Variants in CTNNA3 observed in about 807,000 individuals in gnomAD.
The protein encoded by CTNNA3 is catenin alpha 3, also known as catenin alpha-3.
Under a neutral mutation model 95.7 loss-of-function variants are expected in CTNNA3, and 76 were observed. That is an observed-to-expected ratio of 0.79 (90% CI 0.66 to 0.96). The LOEUF (loss-of-function observed/expected upper bound fraction) is 0.96, where lower values mean the gene tolerates loss of function less well. CTNNA3 is among the 40% of genes least tolerant of loss of function. CTNNA3 has a pLI of 0.00. For synonymous variants in CTNNA3, 431 were observed against 374.4 expected (o/e 1.15, Z -1.74); for missense variants, 1,191 against 1,089.8 (o/e 1.09, Z -1.31).
chr10:66,049,853 T>A (rs10996856), intron 15 of CTNNA3, among the ~76,000 whole-genome samples: 2 of 152,006 alleles, frequency 1.3e-5, no homozygotes, highest in African/African-American at 4.8e-5. Context: ...CTGGGCTTAA[T>A]ACCTGGGTGA....
In CTNNA3 at chr10:66,077,156, G is replaced by T. The variant is rs187723729; in HGVS notation, c.1978-7667C>A. Among the ~76,000 whole-genome samples, 390 of 151,746 alleles carry T rather than the reference G, an allele frequency of 2.6e-3. 6 individuals carry two copies. Among genetic ancestry groups the T allele is most frequent in the African/African-American group, 9.1e-3 (377 of 41,512 alleles). On this transcript the variant is annotated intron_variant, in intron 14 of 17. Coordinates refer to ENST00000433211, the MANE Select transcript of CTNNA3 (RefSeq NM_013266.4). Reference sequence around the variant, plus strand: ...TGGGATATTCCTGCTGAAATATTTAGATATAAAATGCTATGATGTTTCAAA... The same window carrying T: ...TGGGATATTCCTGCTGAAATATTTATATATAAAATGCTATGATGTTTCAAA...
intron 5 of CTNNA3, among the ~76,000 whole-genome samples, chr10:67,496,963 G>A (rs1839042989): frequency 6.6e-6 from 1 of 151,902 alleles, no homozygotes; most frequent in Non-Finnish European, 1.5e-5. Flanking sequence ...TTTAAGTTCT[G>A]GGATATATGT....
At chr10:66,220,585 C>T (rs1042544317) in intron 13 of CTNNA3, among the ~76,000 whole-genome samples, 7 of 152,156 alleles carry the variant, frequency 4.6e-5, no homozygotes, top group African/African-American at 7.2e-5. Flanking sequence ...CTCTGTATTT[C>T]GAGCTCTTGT....
chr10:66,575,356 T>C (rs569471698), intron 10 of CTNNA3, among the ~76,000 whole-genome samples: 1 of 152,262 alleles, frequency 6.6e-6, no homozygotes, highest in African/African-American at 2.4e-5. Context: ...TCTGTGTACC[T>C]TTAAAATTCA....
chr10:67,377,611 C>T (rs1368156361), intron 5 of CTNNA3, among the ~76,000 whole-genome samples: 1 of 123,092 alleles, frequency 8.1e-6, no homozygotes, highest in East Asian at 2.6e-4. Flanking sequence ...ACTATTCTTT[C>T]TCTATAAAAA....
chr10:67,130,049 G>A (rs755160148), intron 7 of CTNNA3, among the ~76,000 whole-genome samples: 1 of 151,960 alleles, frequency 6.6e-6, no homozygotes, highest in Non-Finnish European at 1.5e-5. Flanking sequence ...AGCACATGAA[G>A]GACACTGTCT....
At chr10:66,895,518 C>T (rs1312498929) in intron 7 of CTNNA3, among the ~76,000 whole-genome samples, 1 of 152,014 alleles carries the variant, frequency 6.6e-6, no homozygotes, top group Non-Finnish European at 1.5e-5. Flanking sequence ...CCTTTATTAT[C>T]TTTCAGCTTC....
chr10:66,341,506 A>G (rs1274187939), intron 12 of CTNNA3, among the ~76,000 whole-genome samples: 2 of 151,976 alleles, frequency 1.3e-5, no homozygotes, highest in Admixed American at 6.6e-5. Flanking sequence ...GGATACACAT[A>G]TGCCTCCTAG....
At chr10:67,291,034 AG>A (rs1839817202) in intron 5 of CTNNA3, among the ~76,000 whole-genome samples, 1 of 152,114 alleles carries the variant, frequency 6.6e-6, no homozygotes, top group Admixed American at 6.6e-5. Flanking sequence ...TAAGGTTGAA[AG>A]GATGGACTCC....
upstream of CTNNA3, among the ~76,000 whole-genome samples, chr10:67,698,617 T>C (rs191889585): frequency 3.7e-4 from 57 of 152,336 alleles, no homozygotes; most frequent in Non-Finnish European, 6.2e-4. Flanking sequence ...CTGTCCATAA[T>C]ATCTCAAAAT....
At chr10:66,091,460 A>G (rs1321473533) in intron 14 of CTNNA3, among the ~76,000 whole-genome samples, 6 of 151,844 alleles carry the variant, frequency 4.0e-5, no homozygotes, top group Admixed American at 6.6e-5. Context: ...CTGTTTATTT[A>G]TTGACTCAAT....
chr10:66,878,797 G>A (rs1201673398), intron 7 of CTNNA3, among the ~76,000 whole-genome samples: 1 of 152,124 alleles, frequency 6.6e-6, no homozygotes, highest in African/African-American at 2.4e-5. Context: ...GTGAGTTTTG[G>A]TGGGACACCT....
chr10:66,381,511 A>C (rs918176287), intron 11 of CTNNA3, among the ~76,000 whole-genome samples: 4 of 152,074 alleles, frequency 2.6e-5, no homozygotes, highest in African/African-American at 9.7e-5. Flanking sequence ...TCTAAGTAGT[A>C]CTTGTTATAA....
chr10:66,319,505 T>C (rs2092152288), intron 12 of CTNNA3, among the ~76,000 whole-genome samples: 1 of 152,126 alleles, frequency 6.6e-6, no homozygotes, highest in Non-Finnish European at 1.5e-5. Flanking sequence ...GATGTAGGGA[T>C]AAACTAAACT....
intron 7 of CTNNA3, among the ~76,000 whole-genome samples, chr10:66,860,844 A>G (rs1656283405): frequency 6.6e-6 from 1 of 152,154 alleles, no homozygotes; most frequent in African/African-American, 2.4e-5. Context: ...ATATGCCTCA[A>G]TGTAACCACA....
At chr10:66,057,063 C>G (rs1331872877) in intron 15 of CTNNA3, among the ~76,000 whole-genome samples, 2 of 152,136 alleles carry the variant, frequency 1.3e-5, no homozygotes, top group South Asian at 4.1e-4. Flanking sequence ...TTTAGTCTAC[C>G]TGAAACTTCT....
At chr10:66,245,202 G>T (rs1416330104) in intron 13 of CTNNA3, among the ~76,000 whole-genome samples, 1 of 152,188 alleles carries the variant, frequency 6.6e-6, no homozygotes, top group Non-Finnish European at 1.5e-5. Context: ...AGCTACAGGT[G>T]CTGGCTCTCT....
In CTNNA3 at chr10:66,659,276, A is replaced by G. The variant is rs755843601; in HGVS notation, c.1282-37492T>C. 1.6e-4 allele frequency among the ~76,000 whole-genome samples: 25 copies of G among 152,070 alleles called. 1 individual carries two copies. Among genetic ancestry groups the G allele is most frequent in the Non-Finnish European group, 3.5e-4 (24 of 68,002 alleles). The stretch of plus-strand genomic sequence containing the variant: ...ATGCTCAAATAAAAAATGAAGCACT[A>G]TAATAAGATAGAAACTGACTAGGTA... On this transcript the variant is annotated intron_variant, in intron 9 of 17. Coordinates refer to ENST00000433211, the MANE Select transcript of CTNNA3 (RefSeq NM_013266.4).
intron 15 of CTNNA3, among the ~76,000 whole-genome samples, chr10:66,063,511 T>C (rs1449179584): frequency 6.6e-6 from 1 of 151,470 alleles, no homozygotes; most frequent in Non-Finnish European, 1.5e-5. Flanking sequence ...TTTACTCTTT[T>C]AGAGAGAGAT....
Sources: allele counts gnomAD v4.1 joint callset (sites outside exome capture counted in the v4.1 genomes callset), GRCh38; gene constraint gnomAD v4.1.1; transcripts MANE v1.5; gene names NCBI Gene and HGNC (gene_info 2026-07-23, HGNC 2026-07-21).